Variants in AVL9 observed in about 807,000 individuals in gnomAD.
AVL9 encodes the protein AVL9 cell migration associated.
AVL9 carries 49 observed loss-of-function variants against 79.2 expected under a neutral mutation model. The observed-to-expected ratio is 0.62, with a 90% CI of 0.49 to 0.79. The LOEUF (loss-of-function observed/expected upper bound fraction) is 0.79, where lower values mean the gene tolerates loss of function less well. Among genes scored for constraint, AVL9 ranks in the 30% least tolerant of loss-of-function variants. The probability of loss-of-function intolerance (pLI) is 0.00; values close to 1 mark genes in which losing one functional copy is unlikely to be tolerated. For missense variants in AVL9, 682 were observed against 776.8 expected (o/e 0.88, Z 1.45); for synonymous variants, 299 against 280.6 (o/e 1.07, Z -0.65).
intron 1 of AVL9, chr7:32,533,696 C>T (rs1788769331): frequency 6.6e-6 from 1 of 152,136 alleles, no homozygotes; most frequent in South Asian, 2.1e-4. Context: ...AAAATAAATA[C>T]TTTGTGCTTC....
At chr7:32,565,121 C>A (rs1448890062) in intron 10 of AVL9, among the ~76,000 whole-genome samples, 49 of 152,250 alleles carry the variant, frequency 3.2e-4, no homozygotes, top group Non-Finnish European at 4.4e-5. Flanking sequence ...GGAGGACTGG[C>A]CAGAAAGGAC....
intron 1 of AVL9, among the ~76,000 whole-genome samples, chr7:32,499,442 A>C (rs1442358216): frequency 1.3e-5 from 2 of 152,160 alleles, no homozygotes; most frequent in African/African-American, 2.4e-5. Context: ...TGATGTCATA[A>C]AAAGTTGAAA....
At chr7:32,569,603 C>T (rs1400731593) in intron 10 of AVL9, among the ~76,000 whole-genome samples, 4 of 152,286 alleles carry the variant, frequency 2.6e-5, no homozygotes, top group East Asian at 1.9e-4. Flanking sequence ...AATAGTGCTT[C>T]GGTGGTTATG....
chr7:32,558,670 G>A, intron 9 of AVL9, 42 bp downstream of exon 9: 1 of 1,468,630 alleles, frequency 6.8e-7, no homozygotes, highest in African/African-American at 1.4e-5. Flanking sequence ...TGTTTAACTT[G>A]TACTGGAACC....
At chr7:32,514,775 T>C (rs1787838123) in intron 1 of AVL9, among the ~76,000 whole-genome samples, 1 of 152,152 alleles carries the variant, frequency 6.6e-6, no homozygotes, top group South Asian at 2.1e-4. Flanking sequence ...CCTTTGACCG[T>C]AATTTTCCTT....
At position 32,563,893 on chromosome 7, in the gene AVL9, CA is replaced by C. The variant is rs1289862891; in HGVS notation, c.1215+4431del. On this transcript the variant is annotated intron_variant, in intron 10 of 15. Coordinates refer to ENST00000318709, the MANE Select transcript of AVL9 (RefSeq NM_015060.3). ...ATCTTAACTGATTTCATGATTAAAT[CA>C]ATGCAGTTTCTTAAAACTGGAATTT... Among the ~76,000 whole-genome samples the C allele has an allele frequency of 4.6e-5, 7 of 152,248 alleles. No homozygotes were observed. In the East Asian group the frequency reaches 1.2e-3, roughly 25 times the overall value.
At chr7:32,542,385 C>CAA (rs567774011) in intron 1 of AVL9, among the ~76,000 whole-genome samples, 1,348 of 90,574 alleles carry the variant, frequency 0.015, 36 homozygotes, top group African/African-American at 0.046. Context: ...AGTAAAAATA[C>CAA]AAAAAAAAAA....
chr7:32,516,705 C>T (rs548467925), intron 1 of AVL9, among the ~76,000 whole-genome samples: 9 of 150,340 alleles, frequency 6.0e-5, no homozygotes, highest in East Asian at 2.0e-4. Flanking sequence ...GTGGATAACA[C>T]GCTATGGAGT....
chr7:32,500,679 T>C (rs1254617960), intron 1 of AVL9, among the ~76,000 whole-genome samples: 3 of 152,232 alleles, frequency 2.0e-5, no homozygotes, highest in Non-Finnish European at 2.9e-5. Flanking sequence ...ACGAAGTCTT[T>C]GCCATGCCTA....
intron 1 of AVL9, among the ~76,000 whole-genome samples, chr7:32,518,271 A>T (rs1286586852): frequency 1.3e-5 from 2 of 152,250 alleles, no homozygotes; most frequent in Admixed American, 6.5e-5. Context: ...CAGACTATAA[A>T]ATGGTTGACA....
intron 1 of AVL9, among the ~76,000 whole-genome samples, chr7:32,528,797 T>C (rs1351848134): frequency 6.6e-6 from 1 of 151,826 alleles, no homozygotes; most frequent in Non-Finnish European, 1.5e-5. Flanking sequence ...GATCACAAGG[T>C]CAGGAGATCG....
chr7:32,551,604 A>AATTTTTTTTT (rs1789822905), intron 5 of AVL9, among the ~76,000 whole-genome samples, 181 bp downstream of exon 5: 2 of 17,796 alleles, frequency 1.1e-4, no homozygotes, highest in African/African-American at 2.5e-4. Context: ...ATTTAACCAA[A>AATTTTTTTTT]CTTTTTTTTT....
In AVL9 at chr7:32,503,574, A is replaced by AAAC. The variant is rs1554332800; in HGVS notation, c.93+7773_93+7775dup. ...CCGTCTCAAGGGAAAAAAAAAAAAA[A>AAAC]AACTAGATTTGAAATATGGCACTCT... is the stretch of plus-strand genomic sequence containing the variant. On this transcript the variant is annotated intron_variant, in intron 1 of 15. Transcript: ENST00000318709. Among the ~76,000 whole-genome samples, 253 of 150,238 alleles carry AAAC rather than the reference A, an allele frequency of 1.7e-3. 3 individuals are homozygous for AAAC. In the Middle Eastern group the frequency reaches 0.028, roughly 16 times the overall value.
intron 1 of AVL9, among the ~76,000 whole-genome samples, chr7:32,509,724 G>C (rs1044557495): frequency 6.6e-6 from 1 of 152,088 alleles, no homozygotes; most frequent in Non-Finnish European, 1.5e-5. Flanking sequence ...GGTGGCGGGC[G>C]CCTGTAATCC....
chr7:32,515,923 T>TA (rs903795935), intron 1 of AVL9, among the ~76,000 whole-genome samples: 8 of 151,872 alleles, frequency 5.3e-5, no homozygotes, highest in East Asian at 1.9e-4. Context: ...TTCCTGTCTT[T>TA]AAAAAAAAAT....
intron 1 of AVL9, among the ~76,000 whole-genome samples, chr7:32,503,392 A>ACACACACACACACACACACACACC (rs1787257921): frequency 6.8e-6 from 1 of 146,762 alleles, no homozygotes; most frequent in Non-Finnish European, 1.5e-5. Flanking sequence ...ACACACACAC[A>ACACACACACACACACACACACACC]CACACACACA....
intron 12 of AVL9, among the ~76,000 whole-genome samples, chr7:32,574,058 A>G (rs1349494476): frequency 6.6e-6 from 1 of 152,142 alleles, no homozygotes; most frequent in Non-Finnish European, 1.5e-5. Flanking sequence ...CATTTGGCAG[A>G]TATTTATTAG....
At chr7:32,542,566 GAA>G (rs972379408) in intron 1 of AVL9, among the ~76,000 whole-genome samples, 1 of 151,576 alleles carries the variant, frequency 6.6e-6, no homozygotes, top group Non-Finnish European at 1.5e-5. Context: ...AAAGAAAAAA[GAA>G]AAAAAGAAGA....
intron 1 of AVL9, among the ~76,000 whole-genome samples, chr7:32,499,023 CGT>C (rs879737977): frequency 0.63 from 60,433 of 95,848 alleles, 30,178 homozygotes; most frequent in Middle Eastern, 0.71. Flanking sequence ...ATTAGCTGCG[CGT>C]GGTGGCACAT....
Sources: allele counts gnomAD v4.1 joint callset (sites outside exome capture counted in the v4.1 genomes callset), GRCh38; gene constraint gnomAD v4.1.1; transcripts MANE v1.5; gene names NCBI Gene and HGNC (gene_info 2026-07-23, HGNC 2026-07-21).